GXYLT1: variants seen among roughly 807,000 people sequenced by gnomAD.
GXYLT1 encodes the protein glucoside xylosyltransferase 1.
A neutral mutation model predicts 54.0 loss-of-function variants in GXYLT1; 29 were observed. That is an observed-to-expected ratio of 0.54 (90% CI 0.40 to 0.73). The LOEUF (loss-of-function observed/expected upper bound fraction) is 0.73, where lower values mean the gene tolerates loss of function less well. Among genes scored for constraint, GXYLT1 ranks in the 30% least tolerant of loss-of-function variants. The probability of loss-of-function intolerance (pLI) is 0.00; values close to 1 mark genes in which losing one functional copy is unlikely to be tolerated. For synonymous variants in GXYLT1, 176 were observed against 204.1 expected (o/e 0.86, Z 1.17); for missense variants, 490 against 553.4 (o/e 0.89, Z 1.15).
In GXYLT1 at chr12:42,082,374, A is replaced by G. The variant is rs2065259073; in HGVS notation, c.*5412T>C. ...TGAACAGATAACATATTCTACAGCA[A>G]TGCTCAAGCCCTGGATTATTTTTGC... On this transcript the variant is annotated 3_prime_UTR_variant, in exon 8 of 8. Transcript: ENST00000398675. The G allele has an allele frequency of 6.6e-6, 1 of 152,192 alleles. No individual in the cohort carries two copies. The highest frequency in any genetic ancestry group is 6.5e-5 in the Admixed American group (1 of 15,280). 9.4% of individuals were successfully genotyped at this position (152,192 alleles called of 1,614,324 possible). A position where few individuals can be genotyped will look rare whatever the true frequency, so the allele number is the denominator to read the frequency against.
intron 3 of GXYLT1, among the ~76,000 whole-genome samples, chr12:42,118,047 G>A (rs771776516): frequency 1.2e-4 from 18 of 152,154 alleles, no homozygotes; most frequent in Non-Finnish European, 1.6e-4. Flanking sequence ...ACAGTAAGAC[G>A]AAGCCAGAGT....
intron 3 of GXYLT1, among the ~76,000 whole-genome samples, chr12:42,115,377 A>C (rs1308680809): frequency 6.6e-6 from 1 of 152,232 alleles, no homozygotes; most frequent in African/African-American, 2.4e-5. Flanking sequence ...TATATCTAGA[A>C]AACCCCATCA....
At chr12:42,125,844 G>A (rs571739762) in intron 2 of GXYLT1, among the ~76,000 whole-genome samples, 4 of 151,984 alleles carry the variant, frequency 2.6e-5, no homozygotes, top group Non-Finnish European at 4.4e-5. Context: ...GCGAGACAGC[G>A]AGACCTTGTC....
intron 1 of GXYLT1, 22 bp from the exon 2 acceptor site, chr12:42,129,873 AAG>A: frequency 6.7e-7 from 1 of 1,494,628 alleles, no homozygotes; most frequent in Non-Finnish European, 9.3e-7. Context: ...AGACAGAAAT[AAG>A]AGTCCTGTGT....
At chr12:42,107,508 C>T (rs1464767221) in intron 4 of GXYLT1, among the ~76,000 whole-genome samples, 2 of 152,076 alleles carry the variant, frequency 1.3e-5, no homozygotes, top group African/African-American at 2.4e-5. Flanking sequence ...CTGACCAATA[C>T]GGCAAAACGC....
chr12:42,112,879 G>A (rs994299942), intron 3 of GXYLT1, among the ~76,000 whole-genome samples: 1 of 151,224 alleles, frequency 6.6e-6, no homozygotes, highest in African/African-American at 2.5e-5. Flanking sequence ...TGCAGCCAGA[G>A]AGAAAGGTCG....
chr12:42,106,779 T>TCTGTCACC (rs1422589827), intron 4 of GXYLT1, among the ~76,000 whole-genome samples: 1 of 142,542 alleles, frequency 7.0e-6, no homozygotes, highest in East Asian at 2.1e-4. Flanking sequence ...AGAGTCTCAC[T>TCTGTCACC]CTGTCACCCA....
intron 1 of GXYLT1, among the ~76,000 whole-genome samples, chr12:42,130,406 T>C (rs1051084324): frequency 2.0e-5 from 3 of 151,910 alleles, no homozygotes; most frequent in Admixed American, 6.6e-5. Flanking sequence ...GAAACGCACA[T>C]TAAAACCACA....
In GXYLT1 at chr12:42,144,459, G is replaced by A. The variant is rs1227662149; in HGVS notation, c.188C>T (p.Ala63Val). The A allele has an allele frequency of 1.6e-6, 2 of 1,276,634 alleles. No homozygotes were observed. Among genetic ancestry groups the A allele is most frequent in the Non-Finnish European group, 9.9e-7 (1 of 1,010,414 alleles). The allele number at this position is 1,276,634 out of a possible 1,614,324, so 79.1% of individuals were successfully genotyped here. Residue 63 changes from alanine to valine, a missense_variant, in exon 1 of 8, where the codon GCG becomes GTG. Ala to Val is a moderately conservative substitution (Grantham distance 64). Around this residue, in one of 2 missense-constraint regions of GXYLT1, gnomAD observed 148 missense variants for 210.7 expected, o/e 0.70. Coordinates refer to ENST00000398675, the MANE Select transcript of GXYLT1 (RefSeq NM_173601.2). ...GRGAVRGAGVAGPAAHPGVSD... is the reference protein window; with the variant it reads ...GRGAVRGAGVVGPAAHPGVSD... ...CACGCCGGGATGCGCTGCGGGGCCCGCGACGCCGGCGCCTCTCACGGCGCC... is the reference window on the plus strand; with the variant it reads ...CACGCCGGGATGCGCTGCGGGGCCCACGACGCCGGCGCCTCTCACGGCGCC...
Position 42,144,632 on chromosome 12 carries a change from C to A in GXYLT1, c.15G>T (p.Leu5=). 2.0e-6 allele frequency: 3 copies of A among 1,464,716 alleles called. No individual in the cohort carries two copies. The highest frequency in any genetic ancestry group is 2.7e-6 in the Non-Finnish European group (3 of 1,106,588). The allele number at this position is 1,464,716 out of a possible 1,614,324, so 90.7% of individuals were successfully genotyped here. The change falls in exon 1 of 8, where the codon CTG becomes CTT. Residue 5 remains leucine, a synonymous_variant. Coordinates refer to ENST00000398675, the MANE Select transcript of GXYLT1 (RefSeq NM_173601.2). ...AGGCCACACACAGCACCACGACGCGCAGGTAGCGCCGCATCGCCCCGGCCG... is the reference window on the plus strand; with the variant it reads ...AGGCCACACACAGCACCACGACGCGAAGGTAGCGCCGCATCGCCCCGGCCG... MRRY[L]RVVVLCVACG...
At chr12:42,109,000 A>C (rs2065436474) in intron 4 of GXYLT1, among the ~76,000 whole-genome samples, 1 of 152,182 alleles carries the variant, frequency 6.6e-6, no homozygotes, top group African/African-American at 2.4e-5. Context: ...GTATATAAAA[A>C]AGAAAAAAAA....
intron 5 of GXYLT1, among the ~76,000 whole-genome samples, chr12:42,099,918 T>G (rs1329358481): frequency 6.6e-6 from 1 of 152,330 alleles, no homozygotes; most frequent in Non-Finnish European, 1.5e-5. Context: ...AAGCTCCTAC[T>G]GTTTAGCCAT....
chr12:42,135,349 G>A (rs73128042), intron 1 of GXYLT1, among the ~76,000 whole-genome samples: 2,515 of 152,260 alleles, frequency 0.017, 42 homozygotes, highest in Non-Finnish European at 0.023. Context: ...GATGTATGGG[G>A]TTGTTACAAA....
chr12:42,127,621 T>C (rs2065571086), intron 2 of GXYLT1, among the ~76,000 whole-genome samples: 1 of 152,112 alleles, frequency 6.6e-6, no homozygotes, highest in Non-Finnish European at 1.5e-5. Context: ...CTGCAGTCAG[T>C]AAGGAGGAAA....
At chr12:42,110,093 C>T (rs927691475) in intron 3 of GXYLT1, among the ~76,000 whole-genome samples, 6 of 152,212 alleles carry the variant, frequency 3.9e-5, no homozygotes, top group Non-Finnish European at 8.8e-5. Flanking sequence ...TGCTTACATT[C>T]AAAGTCAGAC....
rs1444102853 is a variant in GXYLT1 at position 42,084,412 on chromosome 12, G to C, written c.*3374C>G. ...AAACAAATTCATACTGGAGATATAT[G>C]TCAGAAAACATTCAGCCTGAGTAAA... On this transcript the variant is annotated 3_prime_UTR_variant, in exon 8 of 8. Coordinates refer to ENST00000398675, the MANE Select transcript of GXYLT1 (RefSeq NM_173601.2). 2 of 152,366 alleles carry C rather than the reference G, an allele frequency of 1.3e-5. No homozygotes were observed. The highest frequency in any genetic ancestry group is 2.9e-5 in the Non-Finnish European group (2 of 68,114). 9.4% of individuals were successfully genotyped at this position (152,366 alleles called of 1,614,324 possible). A position where few individuals can be genotyped will look rare whatever the true frequency, so the allele number is the denominator to read the frequency against.
rs1344895109 is a variant in GXYLT1 at position 42,087,855 on chromosome 12, G to GT, written c.1253dup (p.Tyr418Ter). 2 of 1,604,440 alleles carry GT rather than the reference G, an allele frequency of 1.2e-6. No individual in the cohort carries two copies. The highest frequency in any genetic ancestry group is 1.7e-6 in the Non-Finnish European group (2 of 1,173,974). Reference sequence around the variant, plus strand: ...TTGCTAGTTGTTTGATAAATATTTTGTAAATTTTTCCACAGTATGTATGCA... The same window carrying GT: ...TTGCTAGTTGTTTGATAAATATTTTGTTAAATTTTTCCACAGTATGTATGCA... ...KTVHTYCGKI[Y>*]KIFIKQLAKS... Residue 418 changes from tyrosine to a stop codon, truncating the protein, a stop_gained and frameshift_variant, in exon 8 of 8, where the codon TAC becomes TAAC. Coordinates refer to ENST00000398675, the MANE Select transcript of GXYLT1 (RefSeq NM_173601.2). LOFTEE classifies it high-confidence loss of function.
At chr12:42,115,270 G>A (rs1008800361) in intron 3 of GXYLT1, among the ~76,000 whole-genome samples, 2 of 152,194 alleles carry the variant, frequency 1.3e-5, no homozygotes, top group African/African-American at 4.8e-5. Flanking sequence ...AGTGTTGGAA[G>A]TTCTGGCCAG....
intron 3 of GXYLT1, among the ~76,000 whole-genome samples, chr12:42,114,053 C>T (rs2065476641): frequency 6.6e-6 from 1 of 152,150 alleles, no homozygotes. Context: ...GAAATGAAGG[C>T]AGAAATAAAC....
Sources: gnomAD v4.1 joint callset for allele counts (sites outside exome capture counted in the v4.1 genomes callset) on GRCh38, gnomAD v4.1.1 for gene constraint, gnomAD v4.1.1 regional missense constraint, MANE v1.5 for transcripts, NCBI Gene and HGNC (gene_info 2026-07-23, HGNC 2026-07-21) for gene names.